Variants in CFAP298 observed in about 807,000 individuals in gnomAD.
The protein encoded by CFAP298 is cilia- and flagella-associated protein 298.
Under a neutral mutation model 41.0 loss-of-function variants are expected in CFAP298, and 38 were observed. That is an observed-to-expected ratio of 0.93 (90% CI 0.72 to 1.22). CFAP298 has a LOEUF of 1.22. CFAP298 is among the 50% of genes most tolerant of loss of function. CFAP298 has a pLI of 0.00. For missense variants in CFAP298, 348 were observed against 360.3 expected (o/e 0.97, Z 0.28); for synonymous variants, 137 against 135.3 (o/e 1.01, Z -0.09).
At chr21:32,609,758 G>T in intron 2 of CFAP298, 80 bp downstream of exon 2, 2 of 1,285,838 alleles carry the variant, frequency 1.6e-6, no homozygotes, top group Non-Finnish European at 1.1e-6. Context: ...GCAAGAATCC[G>T]TCTCAAAAAA....
intron 3 of CFAP298, among the ~76,000 whole-genome samples, chr21:32,605,236 G>A (rs1678525575): frequency 6.6e-6 from 1 of 152,258 alleles, no homozygotes; most frequent in South Asian, 2.1e-4. Flanking sequence ...GAAGAGTACA[G>A]AGGAAGGTGT....
At chr21:32,611,599 T>C (rs917715440) in intron 1 of CFAP298, among the ~76,000 whole-genome samples, 2 of 151,088 alleles carry the variant, frequency 1.3e-5, no homozygotes, top group African/African-American at 2.4e-5. Context: ...CTGCGCGGGG[T>C]AGGGAGACGG....
chr21:32,609,178 C>A (rs2038935574), intron 2 of CFAP298, among the ~76,000 whole-genome samples: 1 of 152,274 alleles, frequency 6.6e-6, no homozygotes, highest in African/African-American at 2.4e-5. Context: ...CTCGAAAGAT[C>A]CCCCAACATT....
chr21:32,602,404 G>A, intron 5 of CFAP298, 37 bp from the exon 6 acceptor site: 1 of 1,596,954 alleles, frequency 6.3e-7, no homozygotes, highest in Non-Finnish European at 8.5e-7. Flanking sequence ...GTGGATTAAG[G>A]TGTTCTTAGA....
chr21:32,609,251 G>T (rs1490801362), intron 2 of CFAP298, among the ~76,000 whole-genome samples: 2 of 152,142 alleles, frequency 1.3e-5, no homozygotes, highest in African/African-American at 4.8e-5. Context: ...ACAATTATTA[G>T]GTGGAAACAC....
chr21:32,603,906 C>T (rs534527395), intron 4 of CFAP298, among the ~76,000 whole-genome samples: 339 of 152,274 alleles, frequency 2.2e-3, no homozygotes, highest in African/African-American at 7.1e-3. Context: ...TCACAAACTG[C>T]GTCCACTGCC....
In CFAP298 at chr21:32,606,278, G is replaced by A. The variant is rs909493442; in HGVS notation, c.375+1371C>T. ...GAAATTCAGGTTGGAAGTGAAGCAA[G>A]ATGTCAGGGGGAAAGGATGGAAGCT... is the stretch of plus-strand genomic sequence containing the variant. On this transcript the variant is annotated intron_variant, in intron 3 of 6. Coordinates refer to ENST00000290155, the MANE Select transcript of CFAP298 (RefSeq NM_021254.4). Among the ~76,000 whole-genome samples the A allele has an allele frequency of 1.1e-4, 17 of 152,228 alleles. 1 individual carries two copies. The highest frequency in any genetic ancestry group is 2.9e-5 in the Non-Finnish European group (2 of 68,040).
At chr21:32,606,861 T>C (rs182417742) in intron 3 of CFAP298, among the ~76,000 whole-genome samples, 1 of 152,314 alleles carries the variant, frequency 6.6e-6, no homozygotes, top group Non-Finnish European at 1.5e-5. Flanking sequence ...CAGATACACA[T>C]TATCTGTATA....
At chr21:32,606,851 C>T (rs1231662449) in intron 3 of CFAP298, among the ~76,000 whole-genome samples, 3 of 152,206 alleles carry the variant, frequency 2.0e-5, no homozygotes, top group Non-Finnish European at 4.4e-5. Flanking sequence ...TCTCTTCCTC[C>T]AGATACACAT....
At chr21:32,611,066 G>A (rs2038979850) in intron 1 of CFAP298, among the ~76,000 whole-genome samples, 1 of 151,772 alleles carries the variant, frequency 6.6e-6, no homozygotes, top group Non-Finnish European at 1.5e-5. Context: ...CACTTTGGGA[G>A]GCGGAGGCAG....
Position 32,607,723 on chromosome 21 carries a change from A to C in CFAP298, c.308-7T>G. 6.4e-7 allele frequency: 1 copy of C among 1,563,778 alleles called. No homozygotes were observed. The highest frequency in any genetic ancestry group is 8.8e-7 in the Non-Finnish European group (1 of 1,141,314). On this transcript the variant is annotated splice_region_variant and splice_polypyrimidine_tract_variant and intron_variant, in intron 2 of 6. Transcript: ENST00000290155. ...TTCATCTTCTCATTTGGAGCTATAA[A>C]AATAAAAAGGAGAGAGGGAGAAAGA...
intron 3 of CFAP298, among the ~76,000 whole-genome samples, chr21:32,605,254 T>C (rs1434213455): frequency 6.6e-6 from 1 of 152,128 alleles, no homozygotes; most frequent in East Asian, 1.9e-4. Flanking sequence ...TGTGATGAAA[T>C]AACAAATATA....
chr21:32,601,898 G>T lies in CFAP298; in HGVS notation c.838C>A (p.His280Asn). Residue 280 changes from histidine to asparagine, a missense_variant, in exon 7 of 7, where the codon CAT (histidine) becomes AAT (asparagine). By Grantham distance (68) the His-to-Asn change is moderately conservative. Transcript: ENST00000290155. ...CTCCACTTTATGTCTTTCACTCCATGAAAATGTCTTTTCAAAGCAGTGTTA... is the reference window on the plus strand; with the variant it reads ...CTCCACTTTATGTCTTTCACTCCATTAAAATGTCTTTTCAAAGCAGTGTTA... ...ADNTALKRHF[H>N]GVKDIKWRPR 1.9e-6 allele frequency: 3 copies of T among 1,612,320 alleles called. No individual in the cohort carries two copies. The highest frequency in any genetic ancestry group is 2.5e-6 in the Non-Finnish European group (3 of 1,178,668).
At position 32,604,276 on chromosome 21, in the gene CFAP298, A is replaced by T; in HGVS notation, c.383T>A (p.Val128Glu). ...EAKAIISKKQ[V>E]EAGVCVTMEM... is the part of the protein sequence containing the mutation. ...CATGGTAACACAGACACCGGCTTCC[A>T]CTTGTTTCTGCAAGCAGAAAGCCAT... The change falls in exon 4 of 7, where the codon GTG (valine) becomes GAG (glutamate). Residue 128 changes from valine (V) to glutamate (E), a missense_variant. Val to Glu is a moderately radical substitution (Grantham distance 121, BLOSUM62 -2). Transcript: ENST00000290155. 2 of 1,614,068 alleles carry T rather than the reference A, an allele frequency of 1.2e-6. No individual in the cohort carries two copies.
chr21:32,612,225 T>A lies in CFAP298; in HGVS notation c.19A>T (p.Lys7Ter), dbSNP rs753621839. ...AGGAACTGGCTCTCGTCGCCCCGCT[T>A]CACGTGCAGCAGAACCATGGCGGTC... The part of the protein sequence containing the change: MVLLHV[K>*]RGDESQFLLQ... The change falls in exon 1 of 7, where the codon AAG becomes TAG. Residue 7 changes from lysine to a stop codon, truncating the protein, a stop_gained. Transcript: ENST00000290155. LOFTEE classifies it high-confidence loss of function. 4 of 1,607,232 alleles carry A rather than the reference T, an allele frequency of 2.5e-6. No homozygotes were observed. The highest frequency in any genetic ancestry group is 3.4e-6 in the Non-Finnish European group (4 of 1,176,628).
intron 2 of CFAP298, among the ~76,000 whole-genome samples, chr21:32,608,656 CAAAAAAAAAAAA>C (rs57270252): frequency 3.6e-5 from 2 of 54,994 alleles, no homozygotes; most frequent in South Asian, 7.0e-4. Context: ...GACTCTGTCT[CAAAAAAAAAAAA>C]AAAAAAAAAA....
In CFAP298 at chr21:32,599,748, C is replaced by A. The variant is rs1044963815; in HGVS notation, c.*2115G>T. On this transcript the variant is annotated 3_prime_UTR_variant, in exon 7 of 7. Transcript: ENST00000290155. ...TGCCACAGCGGGCACCACCTGCCCC[C>A]CGCCGTCACAGATGGCTTGCAAATA... Among the ~76,000 whole-genome samples, 1 of 152,190 alleles carries A rather than the reference C, an allele frequency of 6.6e-6. No individual in the cohort carries two copies. Among genetic ancestry groups the A allele is most frequent in the African/African-American group, 2.4e-5 (1 of 41,440 alleles).
At chr21:32,611,338 T>TATATATATATATATATATATAAATATAA (rs954890218) in intron 1 of CFAP298, among the ~76,000 whole-genome samples, 18 of 132,348 alleles carry the variant, frequency 1.4e-4, no homozygotes, top group African/African-American at 5.3e-4. Context: ...TATATATATA[T>TATATATATATATATATATATAAATATAA]AATTTATTTA....
intron 5 of CFAP298, chr21:32,602,626 C>G: frequency 7.7e-7 from 1 of 1,304,220 alleles, no homozygotes; most frequent in South Asian, 1.9e-5. Context: ...ACACTGCAGG[C>G]AGGTCCAGTG....
Sources: gnomAD v4.1 joint callset for allele counts (sites outside exome capture counted in the v4.1 genomes callset) on GRCh38, gnomAD v4.1.1 for gene constraint, MANE v1.5 for transcripts, NCBI Gene and HGNC (gene_info 2026-07-23, HGNC 2026-07-21) for gene names.